Variants in TMEFF2 observed in about 807,000 individuals in gnomAD.
TMEFF2 encodes tomoregulin-2.
TMEFF2 carries 28 observed loss-of-function variants against 53.8 expected under a neutral mutation model. The ratio of observed to expected loss-of-function variants is 0.52; its 90% CI spans 0.39 to 0.71. The LOEUF is 0.71. Ranked by LOEUF, TMEFF2 falls within the 30% of genes least tolerant of loss-of-function variation. TMEFF2 has a pLI of 0.00. For synonymous variants in TMEFF2, 162 were observed against 166.3 expected (o/e 0.97, Z 0.20); for missense variants, 353 against 455.2 (o/e 0.78, Z 2.04).
intron 1 of TMEFF2, 25 bp from the exon 2 acceptor site, chr2:192,192,014 G>A: frequency 6.8e-7 from 1 of 1,459,928 alleles, no homozygotes; most frequent in South Asian, 1.2e-5. Flanking sequence ...GAACACTCCA[G>A]TCATTAAAAC....
chr2:192,067,489 T>C (rs1336504363), intron 4 of TMEFF2, among the ~76,000 whole-genome samples: 1 of 151,892 alleles, frequency 6.6e-6, no homozygotes, highest in African/African-American at 2.4e-5. Context: ...AGGAAAAAGA[T>C]GTGAAATACT....
intron 4 of TMEFF2, among the ~76,000 whole-genome samples, chr2:192,075,420 A>C (rs1025329966): frequency 6.7e-6 from 1 of 149,316 alleles, no homozygotes; most frequent in African/African-American, 2.5e-5. Context: ...CTGTGAGTTT[A>C]AACAAAGACA....
chr2:191,998,217 T>C lies in TMEFF2; in HGVS notation c.745+45A>G, dbSNP rs757115442. The C allele has an allele frequency of 2.0e-6, 3 of 1,468,554 alleles. No homozygotes were observed. The South Asian group carries it at 3.7e-5, about 18-fold the overall frequency. 91.0% of individuals were successfully genotyped at this position (1,468,554 alleles called of 1,614,324 possible). A position where few individuals can be genotyped will look rare whatever the true frequency, so the allele number is the denominator to read the frequency against. Reference sequence around the variant, plus strand: ...TAAACAACCATTTCCCAGGACTCTCTTTTAATAGAAGAGCTCACATTTTGT... The same window carrying C: ...TAAACAACCATTTCCCAGGACTCTCCTTTAATAGAAGAGCTCACATTTTGT... On this transcript the variant is annotated intron_variant, in intron 7 of 9. Coordinates refer to ENST00000272771, the MANE Select transcript of TMEFF2 (RefSeq NM_016192.4).
chr2:192,193,098 A>C (rs1691502915), intron 1 of TMEFF2, among the ~76,000 whole-genome samples: 1 of 152,216 alleles, frequency 6.6e-6, no homozygotes, highest in Non-Finnish European at 1.5e-5. Context: ...ACAGGCTTTC[A>C]CCCTGAGTTA....
chr2:192,163,916 T>C (rs1690691860), intron 4 of TMEFF2, among the ~76,000 whole-genome samples: 1 of 152,150 alleles, frequency 6.6e-6, no homozygotes, highest in Non-Finnish European at 1.5e-5. Flanking sequence ...TAGAAAGGAA[T>C]GGGAAATAAT....
intron 7 of TMEFF2, among the ~76,000 whole-genome samples, chr2:191,987,570 C>A (rs1032332842): frequency 6.6e-6 from 1 of 152,070 alleles, no homozygotes; most frequent in Non-Finnish European, 1.5e-5. Context: ...CCACACCCAG[C>A]TAATTTTCGT....
At chr2:192,025,227 GTTCAAT>G (rs945289846) in intron 5 of TMEFF2, among the ~76,000 whole-genome samples, 1 of 152,060 alleles carries the variant, frequency 6.6e-6, no homozygotes, top group African/African-American at 2.4e-5. Flanking sequence ...TTAATGGTGT[GTTCAAT>G]TTCAATTTAA....
At chr2:191,978,824 T>G (rs1434514430) in intron 7 of TMEFF2, among the ~76,000 whole-genome samples, 2 of 152,158 alleles carry the variant, frequency 1.3e-5, no homozygotes, top group Non-Finnish European at 2.9e-5. Context: ...AATAATTTAT[T>G]AAGATTTTTT....
intron 5 of TMEFF2, among the ~76,000 whole-genome samples, chr2:192,022,246 G>A (rs373099483): frequency 6.6e-6 from 1 of 152,162 alleles, no homozygotes; most frequent in Non-Finnish European, 1.5e-5. Context: ...ACCCAGGTGG[G>A]TGTGCAGCTT....
chr2:192,005,434 A>T lies in TMEFF2; in HGVS notation c.537-6226T>A, dbSNP rs374512349. ...CAGAACCTGGCAGCTAGCAAATTAC[A>T]TATTCATGTGTCTGGTTTGTGGCTG... On this transcript the variant is annotated intron_variant, in intron 5 of 9. Coordinates refer to ENST00000272771, the MANE Select transcript of TMEFF2 (RefSeq NM_016192.4). Among the ~76,000 whole-genome samples the T allele has an allele frequency of 3.3e-3, 497 of 152,258 alleles. 8 individuals are homozygous for T. Among genetic ancestry groups the T allele is most frequent in the South Asian group, 0.026 (124 of 4,824 alleles).
intron 4 of TMEFF2, among the ~76,000 whole-genome samples, chr2:192,164,713 C>CG (rs1421066475): frequency 7.5e-6 from 1 of 133,924 alleles, no homozygotes; most frequent in East Asian, 2.0e-4. Flanking sequence ...GGTGACATAG[C>CG]GAGACTTCGT....
intron 4 of TMEFF2, among the ~76,000 whole-genome samples, chr2:192,065,961 T>C (rs1688160288): frequency 6.6e-6 from 1 of 151,786 alleles, no homozygotes; most frequent in African/African-American, 2.4e-5. Flanking sequence ...TGTATTTAAA[T>C]GATGGAAGCT....
chr2:192,083,366 TG>T (rs1452214153), intron 4 of TMEFF2, among the ~76,000 whole-genome samples: 1 of 152,148 alleles, frequency 6.6e-6, no homozygotes, highest in Non-Finnish European at 1.5e-5. Flanking sequence ...ACTTGTCATA[TG>T]TGGTTTCAGG....
chr2:192,102,626 C>CT (rs10635775), intron 4 of TMEFF2, among the ~76,000 whole-genome samples: 90,000 of 109,934 alleles, frequency 0.82, 37,248 homozygotes, highest in Admixed American at 0.88. Flanking sequence ...TTTTCTTGTT[C>CT]TTTTTTTTTT....
chr2:191,988,830 T>C (rs2105823790), intron 7 of TMEFF2, among the ~76,000 whole-genome samples: 1 of 152,128 alleles, frequency 6.6e-6, no homozygotes, highest in Non-Finnish European at 1.5e-5. Flanking sequence ...TCATGTGAAA[T>C]ATATTTTACA....
intron 7 of TMEFF2, among the ~76,000 whole-genome samples, chr2:191,995,492 C>T (rs375480673): frequency 3.3e-5 from 5 of 151,930 alleles, no homozygotes; most frequent in African/African-American, 7.2e-5. Flanking sequence ...TTGAGGGATA[C>T]GAGTCACACA....
intron 4 of TMEFF2, among the ~76,000 whole-genome samples, chr2:192,153,178 A>T (rs1690429072): frequency 6.6e-6 from 1 of 151,678 alleles, no homozygotes; most frequent in South Asian, 2.1e-4. Flanking sequence ...TAGACCTTTT[A>T]AAAGAAGTAG....
At chr2:192,038,212 C>G (rs548840104) in intron 5 of TMEFF2, among the ~76,000 whole-genome samples, 1 of 152,298 alleles carries the variant, frequency 6.6e-6, no homozygotes, top group East Asian at 1.9e-4. Flanking sequence ...GTTGACAGAA[C>G]AGGTAAGAGT....
chr2:192,082,868 A>C (rs1688584732), intron 4 of TMEFF2, among the ~76,000 whole-genome samples: 1 of 152,306 alleles, frequency 6.6e-6, no homozygotes, highest in East Asian at 1.9e-4. Flanking sequence ...AGAGAGTAAA[A>C]GATGTCAAAG....
Sources: allele counts gnomAD v4.1 joint callset (sites outside exome capture counted in the v4.1 genomes callset), GRCh38; gene constraint gnomAD v4.1.1; transcripts MANE v1.5; gene names NCBI Gene and HGNC (gene_info 2026-07-23, HGNC 2026-07-21).